Variants in YIPF6 observed in about 807,000 individuals in gnomAD.
YIPF6 encodes protein YIPF6.
A neutral mutation model predicts 16.8 loss-of-function variants in YIPF6; 3 were observed. That is an observed-to-expected ratio of 0.18 (90% CI 0.08 to 0.46). The LOEUF is 0.46. YIPF6 is among the 20% of genes least tolerant of loss of function. The pLI is 0.98. For missense variants in YIPF6, 145 were observed against 184.9 expected (o/e 0.78, Z 1.25); for synonymous variants, 67 against 61.9 (o/e 1.08, Z -0.38).
At chrX:68,517,190 C>T (rs919508594) in intron 3 of YIPF6, among the ~76,000 whole-genome samples, 2 of 110,819 alleles carry the variant, frequency 1.8e-5, no homozygotes, top group Admixed American at 9.6e-5. Flanking sequence ...CACTGTCACC[C>T]AGGCTGGAGT....
chrX:68,530,093 C>T (rs186583115), intron 6 of YIPF6, among the ~76,000 whole-genome samples: 1 of 111,906 alleles, frequency 8.9e-6, no homozygotes, highest in East Asian at 2.8e-4. Flanking sequence ...GTGCTCTGTC[C>T]CATGAAGATG....
chrX:68,525,592 T>C lies in YIPF6; in HGVS notation c.592+2675T>C, dbSNP rs1027583075. ...TGTCCTAAATGGTACTATCTAGGTT[T>C]TCTTGTAGGGTTTTTATGGTTTTAG... On this transcript the variant is annotated intron_variant, in intron 6 of 6. Coordinates refer to ENST00000462683, the MANE Select transcript of YIPF6 (RefSeq NM_173834.4). 4.5e-5 allele frequency among the ~76,000 whole-genome samples: 5 copies of C among 112,272 alleles called. No individual in the cohort carries two copies. In the East Asian group the frequency reaches 1.4e-3, roughly 31 times the overall value.
intron 2 of YIPF6, among the ~76,000 whole-genome samples, chrX:68,512,758 TAAAAC>T (rs1418738250): frequency 1.8e-5 from 2 of 111,100 alleles, no homozygotes; most frequent in African/African-American, 3.3e-5. Flanking sequence ...GTGAAAAAAT[TAAAAC>T]AGAATTAGCT....
chrX:68,531,580 C>CA (rs1443583351), intron 6 of YIPF6, among the ~76,000 whole-genome samples: 2 of 112,347 alleles, frequency 1.8e-5, no homozygotes, highest in Non-Finnish European at 3.8e-5. Context: ...AATAACCTTA[C>CA]ACATCTTTGT....
intron 6 of YIPF6, among the ~76,000 whole-genome samples, chrX:68,524,285 C>T (rs1222892025): frequency 1.8e-5 from 2 of 110,217 alleles, no homozygotes; most frequent in Non-Finnish European, 3.8e-5. Flanking sequence ...TCTCCTGCCT[C>T]AGCCTCCCGA....
At chrX:68,499,596 C>T (rs191880061) in intron 1 of YIPF6, among the ~76,000 whole-genome samples, 46 of 111,570 alleles carry the variant, frequency 4.1e-4, no homozygotes, top group African/African-American at 1.3e-3. Flanking sequence ...TGTCGCAGCT[C>T]CTTGCCATTC....
intron 1 of YIPF6, among the ~76,000 whole-genome samples, chrX:68,509,861 C>G (rs766198272): frequency 9.0e-6 from 1 of 111,634 alleles, no homozygotes; most frequent in Non-Finnish European, 1.9e-5. Context: ...TAGAGAAGAG[C>G]CTGTAAGTGG....
At chrX:68,519,027 T>G (rs1375878277) in intron 4 of YIPF6, among the ~76,000 whole-genome samples, 1 of 111,856 alleles carries the variant, frequency 8.9e-6, no homozygotes, top group African/African-American at 3.2e-5. Flanking sequence ...ACCAATGACA[T>G]TTTAGTCTGT....
intron 3 of YIPF6, chrX:68,514,120 A>C (rs180944560): frequency 1.9e-5 from 2 of 105,843 alleles, no homozygotes; most frequent in East Asian, 6.0e-4. Context: ...AGTCCTAGCT[A>C]CTTGGGAGGC....
chrX:68,530,775 C>T (rs748724701), intron 6 of YIPF6, among the ~76,000 whole-genome samples: 24 of 111,146 alleles, frequency 2.2e-4, no homozygotes, highest in Non-Finnish European at 4.2e-4. Flanking sequence ...CCTGCTTCAG[C>T]TCACCCCCCG....
chrX:68,508,710 A>G (rs1376782784), intron 1 of YIPF6, among the ~76,000 whole-genome samples: 1 of 112,087 alleles, frequency 8.9e-6, no homozygotes, highest in Admixed American at 9.5e-5. Context: ...ATCATCATTC[A>G]TGCATGTACC....
At chrX:68,515,672 CTT>C (rs528529230) in intron 3 of YIPF6, among the ~76,000 whole-genome samples, 1 of 102,248 alleles carries the variant, frequency 9.8e-6, no homozygotes. Flanking sequence ...TTATGGTTGA[CTT>C]TTTTTTTTTT....
chrX:68,523,338 C>G (rs2079134686), intron 6 of YIPF6, among the ~76,000 whole-genome samples: 2 of 111,771 alleles, frequency 1.8e-5, no homozygotes, highest in Non-Finnish European at 3.8e-5. Context: ...CCCATTTAAG[C>G]CTCACAGCAA....
chrX:68,499,316 G>A (rs1181877333), intron 1 of YIPF6, among the ~76,000 whole-genome samples, 193 bp downstream of exon 1: 3 of 112,430 alleles, frequency 2.7e-5, no homozygotes, highest in Non-Finnish European at 5.6e-5. Context: ...TGCCCTCGTG[G>A]TTCCTTCCAG....
At chrX:68,521,131 C>A (rs1449372419) in intron 4 of YIPF6, among the ~76,000 whole-genome samples, 1 of 111,453 alleles carries the variant, frequency 9.0e-6, no homozygotes, top group African/African-American at 3.3e-5. Flanking sequence ...TTCAATAATT[C>A]ATTTAAACAT....
intron 6 of YIPF6, among the ~76,000 whole-genome samples, chrX:68,531,233 T>C (rs1022561759): frequency 5.0e-4 from 56 of 111,527 alleles, no homozygotes; most frequent in Admixed American, 6.7e-4. Context: ...CAAACAATTA[T>C]CCTGCCTCAG....
chrX:68,530,670 C>T (rs1321166106), intron 6 of YIPF6, among the ~76,000 whole-genome samples: 6 of 110,613 alleles, frequency 5.4e-5, no homozygotes, highest in Admixed American at 4.8e-4. Context: ...GGCTGGAATG[C>T]ACCGTTCCTC....
At chrX:68,517,312 G>T (rs1352137508) in intron 3 of YIPF6, among the ~76,000 whole-genome samples, 1 of 110,635 alleles carries the variant, frequency 9.0e-6, no homozygotes, top group Non-Finnish European at 1.9e-5. Flanking sequence ...CATGCCCAGC[G>T]AATATTTTGT....
chrX:68,507,736 G>A (rs1429500894), intron 1 of YIPF6, among the ~76,000 whole-genome samples: 1 of 109,467 alleles, frequency 9.1e-6, no homozygotes, highest in Admixed American at 9.9e-5. Flanking sequence ...CCAAGTAGCT[G>A]GGATTACAGG....
Sources: allele counts gnomAD v4.1 joint callset (sites outside exome capture counted in the v4.1 genomes callset), GRCh38; gene constraint gnomAD v4.1.1; transcripts MANE v1.5; gene names NCBI Gene and HGNC (gene_info 2026-07-23, HGNC 2026-07-21).